Variants in POU2AF3 observed in about 807,000 individuals in gnomAD.
POU2AF3 encodes POU class 2 homeobox associating factor 3.
At chr11:111,298,831 C>A in the POU2AF3 span, 1 of 418,784 alleles carries the variant, frequency 2.4e-6, no homozygotes, top group South Asian at 1.4e-4. Context: ...CCCAGGCCCC[C>A]GCCCGCCCTC....
chr11:111,299,718 G>A, the POU2AF3 span: 15 of 1,232,038 alleles, frequency 1.2e-5, no homozygotes, highest in East Asian at 3.1e-5. Context: ...CCCCAGAAAG[G>A]GAGGGGGTAG....
chr11:111,308,487 C>T, the POU2AF3 span: 1 of 1,484,570 alleles, frequency 6.7e-7, no homozygotes, highest in Non-Finnish European at 9.0e-7. Flanking sequence ...TATTTTTCTA[C>T]CACGTCTAGA....
chr11:111,302,853 C>G, the POU2AF3 span, among the ~76,000 whole-genome samples: 1 of 152,138 alleles, frequency 6.6e-6, no homozygotes, highest in Non-Finnish European at 1.5e-5. Context: ...GCTGTGAGAG[C>G]GTACTTAGTA....
the POU2AF3 span, chr11:111,308,306 G>A: frequency 3.2e-6 from 5 of 1,551,746 alleles, no homozygotes; most frequent in Non-Finnish European, 4.4e-6. Context: ...GTGTGAGGCA[G>A]AGGACTTGGA....
At chr11:111,308,544 G>C in the POU2AF3 span, 1 of 1,198,746 alleles carries the variant, frequency 8.3e-7, no homozygotes. Flanking sequence ...CCCAAGCACA[G>C]TTTACATGTC....
At chr11:111,303,495 A>T in the POU2AF3 span, among the ~76,000 whole-genome samples, 1 of 152,204 alleles carries the variant, frequency 6.6e-6, no homozygotes, top group Non-Finnish European at 1.5e-5. Context: ...ATCAAGTAGG[A>T]TATTGTAAAC....
the POU2AF3 span, among the ~76,000 whole-genome samples, chr11:111,303,414 C>G: frequency 6.6e-6 from 1 of 152,116 alleles, no homozygotes; most frequent in Non-Finnish European, 1.5e-5. Flanking sequence ...TGTTTGAAAT[C>G]TAAGAGAGAG....
chr11:111,300,553 C>A, the POU2AF3 span: 1 of 1,231,868 alleles, frequency 8.1e-7, no homozygotes, highest in Non-Finnish European at 1.0e-6. Context: ...TCAAGGTGTC[C>A]GAGTGAAGAT....
chr11:111,298,827 C>CCGCGG, the POU2AF3 span: 1 of 631,568 alleles, frequency 1.6e-6, no homozygotes, highest in Non-Finnish European at 2.2e-6. Flanking sequence ...GTACCCCAGG[C>CCGCGG]CCCCGCCCGC....
At chr11:111,303,319 T>A in the POU2AF3 span, among the ~76,000 whole-genome samples, 1 of 152,244 alleles carries the variant, frequency 6.6e-6, no homozygotes, top group East Asian at 1.9e-4. Flanking sequence ...TCAAAAGATA[T>A]CATTTACCTT....
the POU2AF3 span, chr11:111,300,178 G>C: frequency 2.9e-6 from 1 of 341,894 alleles, no homozygotes; most frequent in East Asian, 4.4e-5. Context: ...TGAAAGCCAA[G>C]GTTCCCCCGA....
the POU2AF3 span, among the ~76,000 whole-genome samples, chr11:111,306,997 T>C: frequency 2.6e-5 from 4 of 152,204 alleles, no homozygotes; most frequent in Non-Finnish European, 5.9e-5. Context: ...TTTGATGGAA[T>C]TTTGAGTTCT....
the POU2AF3 span, chr11:111,306,329 T>A: frequency 2.3e-6 from 2 of 870,862 alleles, no homozygotes; most frequent in African/African-American, 1.7e-5. Context: ...AGAGTATAGA[T>A]CTCCATTCAA....
the POU2AF3 span, chr11:111,298,978 G>A: frequency 9.9e-7 from 1 of 1,005,228 alleles, no homozygotes; most frequent in Non-Finnish European, 1.2e-6. Flanking sequence ...CCGAGCTGTG[G>A]CGGTCCCTGC....
chr11:111,308,243 G>A, the POU2AF3 span: 77 of 1,551,570 alleles, frequency 5.0e-5, 2 homozygotes, highest in Middle Eastern at 1.3e-3. Context: ...GTCCTCACAC[G>A]CCCAGTACAG....
chr11:111,303,714 T>C, the POU2AF3 span, among the ~76,000 whole-genome samples: 1 of 152,182 alleles, frequency 6.6e-6, no homozygotes, highest in African/African-American at 2.4e-5. Context: ...TGGATCGTTT[T>C]CAAAATTAAT....
chr11:111,308,346 C>T, the POU2AF3 span: 7 of 1,551,598 alleles, frequency 4.5e-6, no homozygotes, highest in South Asian at 4.8e-5. Context: ...TACTTCTACC[C>T]GAGCACAGAC....
At chr11:111,308,273 A>G in the POU2AF3 span, 1 of 1,551,530 alleles carries the variant, frequency 6.4e-7, no homozygotes, top group South Asian at 1.2e-5. Context: ...CTCGGCCACC[A>G]CCTCCATCTG....
the POU2AF3 span, chr11:111,306,410 T>G: frequency 1.4e-6 from 2 of 1,461,280 alleles, no homozygotes; most frequent in African/African-American, 2.9e-5. Context: ...ATTTTGAGCC[T>G]GAACCAATTT....
Sources: allele counts gnomAD v4.1 joint callset (sites outside exome capture counted in the v4.1 genomes callset), GRCh38; gene constraint gnomAD v4.1.1; transcripts MANE v1.5; gene names NCBI Gene and HGNC (gene_info 2026-07-23, HGNC 2026-07-21).